NIBAN1: variants seen among roughly 807,000 people sequenced by gnomAD.
NIBAN1 encodes the protein niban apoptosis regulator 1.
NIBAN1 carries 81 observed loss-of-function variants against 75.1 expected under a neutral mutation model. That is an observed-to-expected ratio of 1.08 (90% CI 0.90 to 1.30). NIBAN1 has a LOEUF of 1.30. Ranked by LOEUF, NIBAN1 falls within the 50% of genes most tolerant of loss-of-function variation. The pLI, the probability that NIBAN1 is intolerant of heterozygous loss-of-function variation, is 0.00. For synonymous variants in NIBAN1, 436 were observed against 424.8 expected (o/e 1.03, Z -0.32); for missense variants, 1,133 against 1,128.1 (o/e 1.00, Z -0.06).
chr1:184,820,695 C>T (rs1175131377), intron 8 of NIBAN1, among the ~76,000 whole-genome samples: 2 of 152,212 alleles, frequency 1.3e-5, no homozygotes, highest in Non-Finnish European at 2.9e-5. Context: ...CTGAACAGAG[C>T]GATGATGCCT....
At chr1:184,960,754 A>G (rs1658614076) in intron 1 of NIBAN1, among the ~76,000 whole-genome samples, 1 of 151,962 alleles carries the variant, frequency 6.6e-6, no homozygotes, top group Non-Finnish European at 1.5e-5. Context: ...TCAGCCTCCA[A>G]AGTAGCTGGG....
At chr1:184,936,725 C>T (rs369980703) in intron 1 of NIBAN1, among the ~76,000 whole-genome samples, 1 of 152,044 alleles carries the variant, frequency 6.6e-6, no homozygotes, top group Non-Finnish European at 1.5e-5. Flanking sequence ...GTGTGTGTAA[C>T]CTCCCTCTGC....
chr1:184,884,885 T>A (rs1433324530), intron 4 of NIBAN1, 85 bp from the exon 5 acceptor site: 1 of 1,486,204 alleles, frequency 6.7e-7, no homozygotes, highest in African/African-American at 1.4e-5. Context: ...AGGGTGACTA[T>A]CTGGGGCAGG....
At chr1:184,824,611 G>A (rs569842247) in intron 6 of NIBAN1, among the ~76,000 whole-genome samples, 38 of 152,316 alleles carry the variant, frequency 2.5e-4, no homozygotes, top group African/African-American at 9.1e-4. Flanking sequence ...ACAGAAAGCT[G>A]ACGATGCTGG....
At chr1:184,832,340 G>T (rs1205615514) in intron 5 of NIBAN1, among the ~76,000 whole-genome samples, 1 of 152,180 alleles carries the variant, frequency 6.6e-6, no homozygotes, top group Non-Finnish European at 1.5e-5. Context: ...TGTGTTCAAA[G>T]TATCTCCTTC....
At position 184,905,514 on chromosome 1, in the gene NIBAN1, C is replaced by T. The variant is rs1399471391; in HGVS notation, c.56-6205G>A. ...CCACGGGCCTGGGATCTCACCTCAA[C>T]TGTCTTTATTTCCCACTTCTTTCAC... is the stretch of plus-strand genomic sequence containing the variant. On this transcript the variant is annotated intron_variant, in intron 1 of 13. Coordinates refer to ENST00000367511, the MANE Select transcript of NIBAN1 (RefSeq NM_052966.4). 2.0e-5 allele frequency among the ~76,000 whole-genome samples: 3 copies of T among 152,248 alleles called. No individual in the cohort carries two copies. In the South Asian group the frequency reaches 6.2e-4, roughly 32 times the overall value.
At chr1:184,871,790 G>A (rs2102288981) in intron 5 of NIBAN1, among the ~76,000 whole-genome samples, 1 of 152,256 alleles carries the variant, frequency 6.6e-6, no homozygotes, top group Admixed American at 6.5e-5. Flanking sequence ...CATACACACG[G>A]TCTTAGCCCA....
At chr1:184,886,054 A>G (rs910312175) in intron 4 of NIBAN1, among the ~76,000 whole-genome samples, 4 of 151,818 alleles carry the variant, frequency 2.6e-5, no homozygotes, top group African/African-American at 9.7e-5. Context: ...GTGACTTTTT[A>G]TATTGTTCCT....
chr1:184,880,272 C>A (rs1037352125), intron 5 of NIBAN1, among the ~76,000 whole-genome samples: 2 of 152,250 alleles, frequency 1.3e-5, no homozygotes, highest in Non-Finnish European at 2.9e-5. Flanking sequence ...CTACTGCCAT[C>A]TGTTGCCAGC....
At chr1:184,943,108 A>C (rs1658136908) in intron 1 of NIBAN1, among the ~76,000 whole-genome samples, 1 of 152,180 alleles carries the variant, frequency 6.6e-6, no homozygotes, top group African/African-American at 2.4e-5. Flanking sequence ...TACCAGAAAA[A>C]CATAGTAGAC....
At chr1:184,815,663 C>T (rs554416742) in intron 9 of NIBAN1, among the ~76,000 whole-genome samples, 1 of 152,284 alleles carries the variant, frequency 6.6e-6, no homozygotes, top group Non-Finnish European at 1.5e-5. Context: ...AAGGATTTTG[C>T]AGCCAGCCTT....
In NIBAN1 at chr1:184,795,685, T is replaced by C; in HGVS notation, c.2079A>G (p.Glu693=). Residue 693 remains glutamate (E), a synonymous_variant, in exon 14 of 14, where the codon GAA becomes GAG. Transcript: ENST00000367511. ...ELEFGGTLED[E]EPAQEEPEPI... is the part of the protein sequence containing the mutation. ...GTTCTGGCTCTTCCTGGGCGGGTTC[T>C]TCATCCTCAAGGGTCCCTCCAAACT... 6.2e-7 allele frequency: 1 copy of C among 1,614,112 alleles called. No individual in the cohort carries two copies. Among genetic ancestry groups the C allele is most frequent in the Non-Finnish European group, 8.5e-7 (1 of 1,179,996 alleles).
chr1:184,800,674 G>A (rs1230969089), intron 12 of NIBAN1, among the ~76,000 whole-genome samples: 1 of 151,844 alleles, frequency 6.6e-6, no homozygotes, highest in African/African-American at 2.4e-5. Context: ...TCAGATAGTT[G>A]TAGATATATG....
chr1:184,824,215 T>A (rs1654783187), intron 6 of NIBAN1, among the ~76,000 whole-genome samples: 1 of 152,160 alleles, frequency 6.6e-6, no homozygotes, highest in Non-Finnish European at 1.5e-5. Flanking sequence ...ATCTCCATGC[T>A]CTTCGTCCCC....
intron 1 of NIBAN1, among the ~76,000 whole-genome samples, chr1:184,903,000 C>T (rs1043809614): frequency 5.3e-5 from 8 of 152,198 alleles, no homozygotes; most frequent in Non-Finnish European, 2.9e-5. Context: ...AAGTGATCAG[C>T]CCACAGGGGC....
intron 1 of NIBAN1, among the ~76,000 whole-genome samples, chr1:184,940,865 A>T (rs1658072465): frequency 1.3e-5 from 2 of 152,270 alleles, no homozygotes; most frequent in African/African-American, 4.8e-5. Flanking sequence ...GAAATCATCA[A>T]CATTTCATCA....
chr1:184,795,447 C>T lies in NIBAN1; in HGVS notation c.2317G>A (p.Ala773Thr). The change falls in exon 14 of 14, where the codon GCC (alanine) becomes ACC (threonine). Residue 773 changes from alanine to threonine, a missense_variant. Ala to Thr is a moderately conservative substitution (Grantham distance 58). Transcript: ENST00000367511. ...TGGGCCTCGGGACAGGGAGGTTGGG[C>T]CTCCCTCTCGCTGACTTCACTTTCT... ...CEESEVSEREAQPPCPEAHGE... is the reference protein window; with the variant it reads ...CEESEVSERETQPPCPEAHGE... The T allele has an allele frequency of 1.2e-6, 2 of 1,608,012 alleles. No individual in the cohort carries two copies. Among genetic ancestry groups the T allele is most frequent in the Non-Finnish European group, 1.7e-6 (2 of 1,177,054 alleles).
At chr1:184,930,453 G>A (rs576268812) in intron 1 of NIBAN1, among the ~76,000 whole-genome samples, 35 of 152,246 alleles carry the variant, frequency 2.3e-4, no homozygotes, top group Admixed American at 1.5e-3. Context: ...GGCACACTCC[G>A]TAGCGTAGAG....
intron 6 of NIBAN1, among the ~76,000 whole-genome samples, chr1:184,824,043 C>G (rs1654778572): frequency 6.6e-6 from 1 of 152,146 alleles, no homozygotes; most frequent in Non-Finnish European, 1.5e-5. Flanking sequence ...ACTAGAAGAA[C>G]TTAGGGCATA....
Sources: allele counts gnomAD v4.1 joint callset (sites outside exome capture counted in the v4.1 genomes callset), GRCh38; gene constraint gnomAD v4.1.1; transcripts MANE v1.5; gene names NCBI Gene and HGNC (gene_info 2026-07-23, HGNC 2026-07-21).